The following CTNNA2 variants were observed in gnomAD, a reference collection of about 807,000 sequenced individuals.
The protein encoded by CTNNA2 is catenin alpha-2.
A neutral mutation model predicts 101.0 loss-of-function variants in CTNNA2; 42 were observed. That is an observed-to-expected ratio of 0.42 (90% CI 0.32 to 0.54). The LOEUF (loss-of-function observed/expected upper bound fraction) is 0.54, where lower values mean the gene tolerates loss of function less well. Ranked by LOEUF, CTNNA2 falls within the 20% of genes least tolerant of loss-of-function variation. The pLI is 0.14. For missense variants in CTNNA2, 871 were observed against 1,223.1 expected (o/e 0.71, Z 4.29); for synonymous variants, 450 against 456.4 (o/e 0.99, Z 0.18).
intron 9 of CTNNA2, among the ~76,000 whole-genome samples, chr2:80,527,982 G>C (rs957413618): frequency 6.6e-5 from 10 of 152,122 alleles, no homozygotes; most frequent in African/African-American, 2.4e-4. Flanking sequence ...GACATTTTCA[G>C]TGTGCATCCA....
chr2:80,392,722 C>G (rs890639961), intron 7 of CTNNA2, among the ~76,000 whole-genome samples: 5 of 152,130 alleles, frequency 3.3e-5, no homozygotes, highest in Admixed American at 6.6e-5. Context: ...TAAAGCATCT[C>G]TTTTGAATTT....
intron 7 of CTNNA2, among the ~76,000 whole-genome samples, chr2:80,314,952 G>C (rs1273776936): frequency 6.6e-6 from 1 of 152,202 alleles, no homozygotes; most frequent in African/African-American, 2.4e-5. Context: ...CCTGAAAACT[G>C]TTCTGCCATT....
chr2:80,261,002 G>A (rs573490646), intron 7 of CTNNA2, among the ~76,000 whole-genome samples: 1 of 152,226 alleles, frequency 6.6e-6, no homozygotes, highest in South Asian at 2.1e-4. Context: ...ACAGTGTAGC[G>A]ATCCACCTAA....
chr2:80,546,184 T>G, intron 11 of CTNNA2, 121 bp downstream of exon 11: 4 of 1,213,402 alleles, frequency 3.3e-6, no homozygotes, highest in Non-Finnish European at 4.5e-6. Context: ...TCTTTGAGCT[T>G]TTTTGATCAT....
intron 7 of CTNNA2, among the ~76,000 whole-genome samples, chr2:80,015,750 T>G (rs1694100703): frequency 6.6e-6 from 1 of 152,244 alleles, no homozygotes; most frequent in African/African-American, 2.4e-5. Flanking sequence ...ATTTGAAGAT[T>G]GTTAGGCGTC....
At chr2:80,560,808 T>G (rs1224275001) in intron 12 of CTNNA2, among the ~76,000 whole-genome samples, 4 of 152,222 alleles carry the variant, frequency 2.6e-5, no homozygotes, top group South Asian at 4.1e-4. Flanking sequence ...TGTAAATGAC[T>G]GCTTACAACA....
intron 2 of CTNNA2, among the ~76,000 whole-genome samples, chr2:79,201,470 C>T (rs1674034716): frequency 6.6e-6 from 1 of 151,998 alleles, no homozygotes; most frequent in South Asian, 2.1e-4. Flanking sequence ...GAAATGAGCT[C>T]GAATTCCAGA....
chr2:79,592,003 A>G (rs1676888007), intron 1 of CTNNA2, among the ~76,000 whole-genome samples: 1 of 144,274 alleles, frequency 6.9e-6, no homozygotes, highest in South Asian at 2.2e-4. Flanking sequence ...TGGTTTCCAT[A>G]TTTCTCCTCT....
chr2:79,604,816 A>G (rs558753722), intron 1 of CTNNA2, among the ~76,000 whole-genome samples: 2 of 152,338 alleles, frequency 1.3e-5, no homozygotes, highest in South Asian at 2.1e-4. Context: ...CCCCAGAATG[A>G]TTACCAGTTT....
intron 14 of CTNNA2, among the ~76,000 whole-genome samples, chr2:80,582,468 A>G (rs1318463904): frequency 6.6e-6 from 1 of 152,200 alleles, no homozygotes. Context: ...CAACAGAGAG[A>G]GTACCAGCTC....
chr2:79,840,563 T>A (rs1214071363), intron 3 of CTNNA2, among the ~76,000 whole-genome samples: 1 of 152,190 alleles, frequency 6.6e-6, no homozygotes, highest in African/African-American at 2.4e-5. Context: ...TCTCTCACAT[T>A]CTCTCATCTT....
intron 7 of CTNNA2, chr2:80,027,997 AAAAAGT>A (rs1695044420): frequency 6.6e-6 from 1 of 151,176 alleles, no homozygotes; most frequent in African/African-American, 2.4e-5. Context: ...AAAAAAAAAA[AAAAAGT>A]AAAAGAAATA....
At chr2:79,187,250 C>A (rs186710178) in intron 1 of CTNNA2, among the ~76,000 whole-genome samples, 11 of 102,672 alleles carry the variant, frequency 1.1e-4, no homozygotes, top group African/African-American at 6.9e-4. Flanking sequence ...CTTTTCTTTT[C>A]TTTTCTTTTC....
chr2:79,264,063 T>A (rs373377049), intron 2 of CTNNA2, among the ~76,000 whole-genome samples: 1 of 152,040 alleles, frequency 6.6e-6, no homozygotes, highest in African/African-American at 2.4e-5. Context: ...TGTAAAGAAA[T>A]GTAAGTGAGT....
At chr2:79,528,043 TGAAA>T (rs1190127691) in intron 1 of CTNNA2, among the ~76,000 whole-genome samples, 3 of 152,148 alleles carry the variant, frequency 2.0e-5, no homozygotes, top group Non-Finnish European at 4.4e-5. Flanking sequence ...TTGTGTGAAG[TGAAA>T]GAAAGCCAGA....
intron 7 of CTNNA2, chr2:80,162,554 C>A: frequency 6.2e-7 from 1 of 1,608,086 alleles, no homozygotes; most frequent in Non-Finnish European, 8.5e-7. Context: ...GAAATCATCT[C>A]TTTCCTCTGT....
chr2:79,410,552 G>T (rs1170235843), intron 4 of CTNNA2, among the ~76,000 whole-genome samples: 1 of 152,138 alleles, frequency 6.6e-6, no homozygotes, highest in African/African-American at 2.4e-5. Context: ...TGCATCTATT[G>T]AGATAATCGT....
At chr2:80,188,230 T>C (rs534646496) in intron 7 of CTNNA2, among the ~76,000 whole-genome samples, 22 of 152,366 alleles carry the variant, frequency 1.4e-4, no homozygotes, top group African/African-American at 5.3e-4. Flanking sequence ...TTAGGTTGTC[T>C]CATGAGACTG....
chr2:80,117,047 TCTCAAAATACTG>T (rs914034214), intron 7 of CTNNA2, among the ~76,000 whole-genome samples: 1 of 152,078 alleles, frequency 6.6e-6, no homozygotes, highest in African/African-American at 2.4e-5. Flanking sequence ...AAAATTTTCT[TCTCAAAATACTG>T]CTCAAATTCA....
Sources: allele counts gnomAD v4.1 joint callset (sites outside exome capture counted in the v4.1 genomes callset), GRCh38; gene constraint gnomAD v4.1.1; transcripts MANE v1.5; gene names NCBI Gene and HGNC (gene_info 2026-07-23, HGNC 2026-07-21).